The following PRKCE variants were observed in gnomAD, a reference collection of about 807,000 sequenced individuals.
PRKCE encodes the protein protein kinase C epsilon type.
Under a neutral mutation model 85.4 loss-of-function variants are expected in PRKCE, and 16 were observed. The ratio of observed to expected loss-of-function variants is 0.19; its 90% CI spans 0.13 to 0.28. The LOEUF is 0.28. PRKCE is among the 10% of genes least tolerant of loss of function. The pLI, the probability that PRKCE is intolerant of heterozygous loss-of-function variation, is 1.00. For missense variants in PRKCE, 573 were observed against 975.2 expected (o/e 0.59, Z 5.49); for synonymous variants, 388 against 371.5 (o/e 1.04, Z -0.51).
chr2:45,953,021 T>C (rs552816715), intron 2 of PRKCE, among the ~76,000 whole-genome samples: 7 of 152,342 alleles, frequency 4.6e-5, no homozygotes, highest in African/African-American at 1.7e-4. Flanking sequence ...TTGACATTAC[T>C]GAGTAGTGTT....
chr2:45,943,507 G>GTTT (rs1303143903), intron 2 of PRKCE, among the ~76,000 whole-genome samples: 5 of 152,220 alleles, frequency 3.3e-5, no homozygotes, highest in African/African-American at 1.2e-4. Context: ...TTGTAATTTA[G>GTTT]TTTTACAAGA....
At chr2:45,855,141 A>G (rs151094043) in intron 2 of PRKCE, among the ~76,000 whole-genome samples, 95 of 152,322 alleles carry the variant, frequency 6.2e-4, no homozygotes, top group African/African-American at 2.2e-3. Flanking sequence ...CATTTGTTCT[A>G]TTACAAGACT....
chr2:46,051,424 A>C (rs1052846797), intron 10 of PRKCE, among the ~76,000 whole-genome samples: 2 of 152,198 alleles, frequency 1.3e-5, no homozygotes, highest in African/African-American at 4.8e-5. Flanking sequence ...CAGATGAGGA[A>C]ACTGAGGTTC....
intron 1 of PRKCE, among the ~76,000 whole-genome samples, chr2:45,771,159 A>G (rs891748109): frequency 2.6e-5 from 4 of 151,770 alleles, no homozygotes; most frequent in African/African-American, 9.7e-5. Flanking sequence ...AATGCAGACC[A>G]CTCCTCCCAG....
At chr2:45,771,551 A>G (rs184855836) in intron 1 of PRKCE, among the ~76,000 whole-genome samples, 97 of 152,164 alleles carry the variant, frequency 6.4e-4, no homozygotes, top group Admixed American at 6.2e-3. Flanking sequence ...GTGGGCCAGG[A>G]TTTTCCTCCC....
At position 46,184,980 on chromosome 2, in the gene PRKCE, C is replaced by T. The variant is rs1680350082; in HGVS notation, c.*99C>T. ...AGCAGGTCTTGAACTACTTCTCCTCCTCGGAGCCCCAGTCCCATGTCCACT... is the reference window on the plus strand; with the variant it reads ...AGCAGGTCTTGAACTACTTCTCCTCTTCGGAGCCCCAGTCCCATGTCCACT... On this transcript the variant is annotated 3_prime_UTR_variant, in exon 15 of 15. Coordinates refer to ENST00000306156, the MANE Select transcript of PRKCE (RefSeq NM_005400.3). This position sits in a 1 kb window ranked among gnomAD's most constrained non-coding sequence, Gnocchi z 5.0. The T allele has an allele frequency of 2.0e-6, 3 of 1,466,116 alleles. No individual in the cohort carries two copies. 90.8% of individuals were successfully genotyped at this position (1,466,116 alleles called of 1,614,324 possible). A position where few individuals can be genotyped will look rare whatever the true frequency, so the allele number is the denominator to read the frequency against.
intron 2 of PRKCE, among the ~76,000 whole-genome samples, chr2:45,948,506 G>A (rs1457524880): frequency 6.6e-6 from 1 of 152,200 alleles, no homozygotes; most frequent in Non-Finnish European, 1.5e-5. Flanking sequence ...TGGCATGGTG[G>A]TGTATGCCTG....
intron 1 of PRKCE, among the ~76,000 whole-genome samples, chr2:45,793,867 A>G (rs1319837933): frequency 6.6e-6 from 1 of 152,230 alleles, no homozygotes; most frequent in East Asian, 1.9e-4. Context: ...ATAGCCAGGA[A>G]CAAAGGACTC....
At chr2:46,094,070 T>C (rs368890580) in intron 11 of PRKCE, among the ~76,000 whole-genome samples, 2 of 152,336 alleles carry the variant, frequency 1.3e-5, no homozygotes, top group East Asian at 3.9e-4. Flanking sequence ...CCTTTTAGCA[T>C]GTTTAGGTAT....
chr2:46,125,551 T>G (rs1275887947), intron 11 of PRKCE, among the ~76,000 whole-genome samples: 1 of 152,204 alleles, frequency 6.6e-6, no homozygotes. Context: ...CTAGATATGG[T>G]TAACCATACA....
In PRKCE at chr2:45,970,722, G is replaced by T. The variant is rs563742610; in HGVS notation, c.413-5707G>T. ...ATGTCATATCAGTGTTAAATTTCTT[G>T]ACTCTGTTATTGTGATTATGTAGCT... On this transcript the variant is annotated intron_variant, in intron 2 of 14. Coordinates refer to ENST00000306156, the MANE Select transcript of PRKCE (RefSeq NM_005400.3). Among the ~76,000 whole-genome samples, 11 of 152,078 alleles carry T rather than the reference G, an allele frequency of 7.2e-5. No homozygotes were observed. The East Asian group carries it at 1.9e-3, about 27-fold the overall frequency.
intron 11 of PRKCE, among the ~76,000 whole-genome samples, chr2:46,094,425 G>A (rs551967053): frequency 3.3e-4 from 50 of 152,254 alleles, no homozygotes; most frequent in African/African-American, 1.2e-3. Context: ...GTTTGACTGG[G>A]CATAGAATTT....
chr2:45,958,818 T>TATATA (rs1558885886), intron 2 of PRKCE, among the ~76,000 whole-genome samples: 28 of 7,558 alleles, frequency 3.7e-3, no homozygotes, highest in Admixed American at 8.1e-3. Context: ...ATATATATAT[T>TATATA]TTTTTTTTTT....
At chr2:45,738,651 T>G (rs1168758572) in intron 1 of PRKCE, among the ~76,000 whole-genome samples, 2 of 152,230 alleles carry the variant, frequency 1.3e-5, no homozygotes, top group African/African-American at 4.8e-5. Context: ...TTTGAGCATC[T>G]TGGGAAGGAT....
chr2:46,093,412 T>A (rs1346395546), intron 11 of PRKCE, among the ~76,000 whole-genome samples: 1 of 152,120 alleles, frequency 6.6e-6, no homozygotes, highest in Non-Finnish European at 1.5e-5. Context: ...AGTTTTTTTT[T>A]TTTTGCCTTC....
intron 5 of PRKCE, 88 bp downstream of exon 5, chr2:45,980,469 C>G (rs1702798832): frequency 1.6e-5 from 20 of 1,244,796 alleles, no homozygotes; most frequent in Non-Finnish European, 2.2e-5. Context: ...AGAAAACCTT[C>G]TCTGCCTGAG....
rs115572037 is a variant in PRKCE at position 46,098,936 on chromosome 2, G to A, written c.1592+12574G>A. On this transcript the variant is annotated intron_variant, in intron 11 of 14. Transcript: ENST00000306156. ...TGACTCAGGCTGGAGGTGGGGTGAG[G>A]AGGAGAGTGGTAGGGGGTACCATAG... Among the ~76,000 whole-genome samples the A allele has an allele frequency of 2.3e-3, 349 of 152,234 alleles. 2 individuals carry two copies. Among genetic ancestry groups the A allele is most frequent in the African/African-American group, 8.1e-3 (338 of 41,532 alleles).
chr2:45,688,016 C>G (rs1203948527), intron 1 of PRKCE, among the ~76,000 whole-genome samples: 1 of 152,238 alleles, frequency 6.6e-6, no homozygotes, highest in Non-Finnish European at 1.5e-5. Flanking sequence ...GAATCTAGCT[C>G]TGGCCCTCTG....
chr2:46,163,091 G>A (rs1677937652), intron 14 of PRKCE, among the ~76,000 whole-genome samples: 1 of 152,250 alleles, frequency 6.6e-6, no homozygotes, highest in South Asian at 2.1e-4. Flanking sequence ...AACCAACTCA[G>A]GGTTGACCCC....
Sources: allele counts gnomAD v4.1 joint callset (sites outside exome capture counted in the v4.1 genomes callset), GRCh38; gene constraint gnomAD v4.1.1; non-coding constraint Gnocchi (gnomAD v3.1); transcripts MANE v1.5; gene names NCBI Gene and HGNC (gene_info 2026-07-23, HGNC 2026-07-21).